Variants in MLLT3 observed in about 807,000 individuals in gnomAD.
MLLT3 encodes MLLT3 super elongation complex subunit, also known as protein AF-9.
In MLLT3, 4 loss-of-function variants were observed where a neutral mutation model predicts 53.2. That is an observed-to-expected ratio of 0.08 (90% CI 0.04 to 0.17). The LOEUF is 0.17. Among genes scored for constraint, MLLT3 ranks in the 10% least tolerant of loss-of-function variants. The pLI is 1.00. For synonymous variants in MLLT3, 283 were observed against 230.6 expected, an observed-to-expected ratio of 1.23 and a Z score of -2.06; for missense variants, 569 against 684.0, an observed-to-expected ratio of 0.83 and a Z score of 1.87.
intron 2 of MLLT3, among the ~76,000 whole-genome samples, chr9:20,577,310 T>C (rs754210043): frequency 6.6e-6 from 1 of 152,190 alleles, no homozygotes; most frequent in Non-Finnish European, 1.5e-5. Context: ...ACTAACCTGA[T>C]ATATTCACGT....
chr9:20,539,053 T>C (rs573898235), intron 2 of MLLT3, among the ~76,000 whole-genome samples: 2 of 152,386 alleles, frequency 1.3e-5, no homozygotes, highest in Admixed American at 1.3e-4. Flanking sequence ...AATGCCTGGA[T>C]GTTGATTGCT....
intron 2 of MLLT3, among the ~76,000 whole-genome samples, chr9:20,507,742 G>GAAAAAAAAAAA (rs72452530): frequency 3.5e-5 from 3 of 84,536 alleles, no homozygotes; most frequent in East Asian, 3.9e-4. Context: ...TCCCAAAATG[G>GAAAAAAAAAAA]AAAAAAAAAA....
At chr9:20,599,061 T>C (rs1218652397) in intron 2 of MLLT3, among the ~76,000 whole-genome samples, 3 of 152,184 alleles carry the variant, frequency 2.0e-5, no homozygotes, top group Non-Finnish European at 4.4e-5. Context: ...ATCCCAGTAC[T>C]TTGGGAGGCC....
intron 4 of MLLT3, among the ~76,000 whole-genome samples, chr9:20,421,155 T>C (rs957326503): frequency 1.3e-5 from 2 of 152,172 alleles, no homozygotes; most frequent in South Asian, 2.1e-4. Flanking sequence ...TCCAAGCTAT[T>C]TGGGAGGCTG....
chr9:20,460,076 C>T (rs986449967), intron 2 of MLLT3, among the ~76,000 whole-genome samples: 1 of 152,164 alleles, frequency 6.6e-6, no homozygotes, highest in African/African-American at 2.4e-5. Context: ...AACTTAGAAA[C>T]ATTTTAGCCA....
chr9:20,554,055 C>T (rs1818995057), intron 2 of MLLT3, among the ~76,000 whole-genome samples: 2 of 152,208 alleles, frequency 1.3e-5, no homozygotes, highest in South Asian at 4.1e-4. Context: ...TAAGAATTTT[C>T]CTTTTCCTCT....
intron 2 of MLLT3, among the ~76,000 whole-genome samples, chr9:20,592,543 T>A (rs111681609): frequency 6.6e-6 from 1 of 152,308 alleles, no homozygotes; most frequent in African/African-American, 2.4e-5. Context: ...ATGACCTCAT[T>A]TTACCTTAAT....
At chr9:20,619,200 C>T (rs1820922209) in intron 2 of MLLT3, among the ~76,000 whole-genome samples, 1 of 152,166 alleles carries the variant, frequency 6.6e-6, no homozygotes, top group Non-Finnish European at 1.5e-5. Flanking sequence ...ACATAAAATG[C>T]TAACAAATTT....
intron 2 of MLLT3, among the ~76,000 whole-genome samples, chr9:20,528,876 G>C (rs747054204): frequency 6.6e-5 from 10 of 152,194 alleles, no homozygotes; most frequent in Non-Finnish European, 1.3e-4. Context: ...TACAACAGCA[G>C]CCTACTGTAA....
Position 20,344,956 on chromosome 9 carries a change from T to C in MLLT3, c.*1487A>G, listed in dbSNP as rs1023907827. ...GGATCCAGAAGTATTTCTTCATTTC[T>C]CTTCTTTTCGGCTGAATTTCTAGTA... On this transcript the variant is annotated 3_prime_UTR_variant, in exon 11 of 11. Transcript: ENST00000380338. 1.4e-5 allele frequency: 3 copies of C among 216,324 alleles called. No individual in the cohort carries two copies. The highest frequency in any genetic ancestry group is 6.7e-5 in the African/African-American group (3 of 44,494). 13.4% of individuals were successfully genotyped at this position (216,324 alleles called of 1,614,324 possible).
At chr9:20,364,256 C>T (rs939845690) in intron 6 of MLLT3, among the ~76,000 whole-genome samples, 1 of 151,852 alleles carries the variant, frequency 6.6e-6, no homozygotes, top group Non-Finnish European at 1.5e-5. Context: ...TAAACAAGAC[C>T]ATGTAATAAA....
intron 2 of MLLT3, among the ~76,000 whole-genome samples, chr9:20,484,306 G>T (rs139127468): frequency 6.6e-6 from 1 of 152,044 alleles, no homozygotes; most frequent in Non-Finnish European, 1.5e-5. Flanking sequence ...TCAGAAAACT[G>T]TAATACATCC....
chr9:20,509,059 G>C lies in MLLT3; in HGVS notation c.194-52273C>G, dbSNP rs141121833. Among the ~76,000 whole-genome samples, 92 of 152,312 alleles carry C rather than the reference G, an allele frequency of 6.0e-4. No homozygotes were observed. In the East Asian group the frequency reaches 0.016, roughly 26 times the overall value. On this transcript the variant is annotated intron_variant, in intron 2 of 10. Transcript: ENST00000380338. ...CAAGGTCTCTGTTCTTTTCATGCAA[G>C]AGAGGTATCTATTGTCCTAGGCTTC...
At chr9:20,556,944 C>T (rs1191737246) in intron 2 of MLLT3, among the ~76,000 whole-genome samples, 1 of 152,114 alleles carries the variant, frequency 6.6e-6, no homozygotes, top group Admixed American at 6.6e-5. Flanking sequence ...ACAACGTATG[C>T]AATCAGCACA....
intron 8 of MLLT3, among the ~76,000 whole-genome samples, chr9:20,355,726 A>T (rs1473624130): frequency 6.6e-6 from 1 of 152,258 alleles, no homozygotes; most frequent in African/African-American, 2.4e-5. Context: ...CAAAAAGCAA[A>T]GTAATTTGTC....
chr9:20,493,230 G>A (rs954423908), intron 2 of MLLT3, among the ~76,000 whole-genome samples: 7 of 151,670 alleles, frequency 4.6e-5, no homozygotes, highest in South Asian at 2.1e-4. Flanking sequence ...AAAGACATTC[G>A]CCACATAAAC....
At chr9:20,401,505 G>C (rs542427198) in intron 5 of MLLT3, among the ~76,000 whole-genome samples, 1 of 152,076 alleles carries the variant, frequency 6.6e-6, no homozygotes, top group Non-Finnish European at 1.5e-5. Flanking sequence ...AGCTCTACAA[G>C]GTCAAGAATC....
At chr9:20,553,906 C>T (rs1250361706) in intron 2 of MLLT3, among the ~76,000 whole-genome samples, 2 of 151,730 alleles carry the variant, frequency 1.3e-5, no homozygotes, top group Non-Finnish European at 2.9e-5. Flanking sequence ...TCCCAGAATA[C>T]TAAATACTAA....
At position 20,498,952 on chromosome 9, in the gene MLLT3, G is replaced by A. The variant is rs1420868731; in HGVS notation, c.194-42166C>T. Among the ~76,000 whole-genome samples, 5 of 152,270 alleles carry A rather than the reference G, an allele frequency of 3.3e-5. No homozygotes were observed. In the East Asian group the frequency reaches 9.6e-4, roughly 29 times the overall value. On this transcript the variant is annotated intron_variant, in intron 2 of 10. Coordinates refer to ENST00000380338, the MANE Select transcript of MLLT3 (RefSeq NM_004529.4). ...ACAAATAGGGTGGCTTGAAACAACAGGAATTTAACCATTCATGCTAGAATT... is the reference window on the plus strand; with the variant it reads ...ACAAATAGGGTGGCTTGAAACAACAAGAATTTAACCATTCATGCTAGAATT...
Sources: gnomAD v4.1 joint callset for allele counts (sites outside exome capture counted in the v4.1 genomes callset) on GRCh38, gnomAD v4.1.1 for gene constraint, MANE v1.5 for transcripts, NCBI Gene and HGNC (gene_info 2026-07-23, HGNC 2026-07-21) for gene names.